Variants in LRRC37A2 observed in about 807,000 individuals in gnomAD.
LRRC37A2 encodes the protein leucine-rich repeat-containing protein 37A2.
LRRC37A2 carries 9 observed loss-of-function variants against 68.8 expected under a neutral mutation model. The ratio of observed to expected loss-of-function variants is 0.13; its 90% CI spans 0.08 to 0.23. The LOEUF (loss-of-function observed/expected upper bound fraction) is 0.23. Among genes scored for constraint, LRRC37A2 ranks in the 10% least tolerant of loss-of-function variants. The pLI, the probability that LRRC37A2 is intolerant of heterozygous loss-of-function variation, is 1.00. For missense variants in LRRC37A2, 168 were observed against 950.4 expected (o/e 0.18, Z 10.82); for synonymous variants, 63 against 367.6 (o/e 0.17, Z 9.48).
At chr17:46,711,011 A>G in the LRRC37A2 span, 1 of 1,597,510 alleles carries the variant, frequency 6.3e-7, no homozygotes, top group Non-Finnish European at 8.5e-7. Flanking sequence ...TATGAACGGT[A>G]TCATCAAATG....
chr17:46,923,172 G>T, the LRRC37A2 span: 5 of 1,505,434 alleles, frequency 3.3e-6, no homozygotes, highest in South Asian at 6.0e-5. Flanking sequence ...AGCCGGAGCC[G>T]TGGCCTGCGG....
rs1194830624 is a variant in LRRC37A2, at chr17:46,517,350, G to A, written c.2610-12G>A. The A allele has an allele frequency of 4.3e-6, 2 of 461,210 alleles. No homozygotes were observed. Among genetic ancestry groups the A allele is most frequent in the South Asian group, 3.3e-5 (1 of 30,230 alleles). 28.6% of individuals were successfully genotyped at this position (461,210 alleles called of 1,614,324 possible). A position where few individuals can be genotyped will look rare whatever the true frequency, so the allele number is the denominator to read the frequency against. ...CTACCTATTCAAGGATATAAACTGT[G>A]TTTCTTCACAGAAATTTCCAAGGAA... On this transcript the variant is annotated splice_polypyrimidine_tract_variant and intron_variant, in intron 2 of 14. Coordinates refer to ENST00000576629, the Ensembl canonical transcript of LRRC37A2.
chr17:46,940,089 T>C, the LRRC37A2 span: 8 of 1,139,518 alleles, frequency 7.0e-6, no homozygotes, highest in Non-Finnish European at 8.6e-6. Flanking sequence ...TTCTGTCTTA[T>C]TTCCCTTCCT....
chr17:47,003,858 T>C, the LRRC37A2 span, among the ~76,000 whole-genome samples: 1 of 152,200 alleles, frequency 6.6e-6, no homozygotes, highest in Admixed American at 6.5e-5. Flanking sequence ...TGCCTAATGC[T>C]TTCCCTTCCC....
At chr17:46,911,182 TTAAAGA>T in the LRRC37A2 span, among the ~76,000 whole-genome samples, 12 of 152,224 alleles carry the variant, frequency 7.9e-5, no homozygotes. Context: ...TGCTTCCTTA[TTAAAGA>T]TAAAGAAAAT....
At chr17:46,980,666 C>CAAAAAAAAA in the LRRC37A2 span, among the ~76,000 whole-genome samples, 16 of 83,870 alleles carry the variant, frequency 1.9e-4, no homozygotes, top group East Asian at 2.0e-3. Flanking sequence ...ACTAAAAATA[C>CAAAAAAAAA]AAAAAAAAAA....
chr17:47,030,091 C>A, the LRRC37A2 span, among the ~76,000 whole-genome samples: 17,422 of 85,256 alleles, frequency 0.2, 2,489 homozygotes, highest in East Asian at 0.31. Context: ...TAATAATAAT[C>A]ATCATCATCA....
the LRRC37A2 span, among the ~76,000 whole-genome samples, chr17:46,610,099 TTC>T: frequency 0.21 from 18,410 of 89,516 alleles, 3,725 homozygotes; most frequent in African/African-American, 0.53. Context: ...TTTTCTCTCT[TTC>T]TCTCTCTCTC....
At chr17:47,017,076 TTG>T in the LRRC37A2 span, 1 of 1,440,116 alleles carries the variant, frequency 6.9e-7, no homozygotes, top group Non-Finnish European at 9.3e-7. Context: ...TTGGGCGGGA[TTG>T]TGACATAAGA....
the LRRC37A2 span, among the ~76,000 whole-genome samples, chr17:46,635,950 C>G: frequency 2.6e-5 from 2 of 76,714 alleles, no homozygotes; most frequent in Middle Eastern, 0.017. Context: ...TCTACTCTTT[C>G]CTAATAGTAC....
the LRRC37A2 span, chr17:46,872,627 G>A: frequency 2.4e-5 from 39 of 1,613,396 alleles, no homozygotes; most frequent in East Asian, 2.7e-4. Context: ...CTGTCCCGGC[G>A]GCAGAAGCAG....
At chr17:46,888,972 G>C in the LRRC37A2 span, among the ~76,000 whole-genome samples, 1 of 152,110 alleles carries the variant, frequency 6.6e-6, no homozygotes, top group Admixed American at 6.5e-5. Flanking sequence ...ACATTGTCAA[G>C]CTTTGACTCC....
the LRRC37A2 span, among the ~76,000 whole-genome samples, chr17:46,750,207 G>A: frequency 1.3e-5 from 2 of 152,122 alleles, no homozygotes; most frequent in Non-Finnish European, 2.9e-5. Context: ...ACAAAAATTA[G>A]CTGGGCATGG....
chr17:46,982,260 TTGTC>T, the LRRC37A2 span, among the ~76,000 whole-genome samples: 2 of 152,174 alleles, frequency 1.3e-5, no homozygotes, highest in Non-Finnish European at 2.9e-5. Context: ...GTTATATCCT[TTGTC>T]TGAAACCAAC....
the LRRC37A2 span, among the ~76,000 whole-genome samples, chr17:47,009,346 C>T: frequency 6.6e-6 from 1 of 152,172 alleles, no homozygotes; most frequent in African/African-American, 2.4e-5. Flanking sequence ...ATCCATCTGT[C>T]CTCTTGCCCT....
the LRRC37A2 span, among the ~76,000 whole-genome samples, chr17:46,770,401 C>T: frequency 1.3e-5 from 2 of 152,228 alleles, no homozygotes; most frequent in Non-Finnish European, 2.9e-5. Context: ...ACACCCCCTG[C>T]CCTCCACCTT....
At chr17:46,752,825 G>A in the LRRC37A2 span, among the ~76,000 whole-genome samples, 1 of 151,950 alleles carries the variant, frequency 6.6e-6, no homozygotes, top group African/African-American at 2.4e-5. Context: ...CTTGAGTAGT[G>A]GCATGATCTC....
the LRRC37A2 span, among the ~76,000 whole-genome samples, chr17:46,622,557 C>T: frequency 1.3e-4 from 19 of 148,276 alleles, no homozygotes; most frequent in South Asian, 2.1e-4. Flanking sequence ...CCGAGGCGGG[C>T]GGATTGCCTG....
At chr17:46,806,207 CTTTTTTTTTT>C in the LRRC37A2 span, among the ~76,000 whole-genome samples, 5 of 75,660 alleles carry the variant, frequency 6.6e-5, no homozygotes, top group African/African-American at 2.6e-4. Flanking sequence ...TTTTCTTTTC[CTTTTTTTTTT>C]TTTTTTTTTT....
Sources: gnomAD v4.1 joint callset for allele counts (sites outside exome capture counted in the v4.1 genomes callset) on GRCh38, gnomAD v4.1.1 for gene constraint, MANE v1.5 for transcripts, NCBI Gene and HGNC (gene_info 2026-07-23, HGNC 2026-07-21) for gene names.